The following ARMH3 variants were observed in gnomAD, a reference collection of about 807,000 sequenced individuals.
ARMH3 encodes the protein armadillo-like helical domain-containing protein 3.
ARMH3 carries 60 observed loss-of-function variants against 99.1 expected under a neutral mutation model. The observed-to-expected ratio is 0.61, with a 90% CI of 0.49 to 0.75. ARMH3 has a LOEUF of 0.75. Ranked by LOEUF, ARMH3 falls within the 30% of genes least tolerant of loss-of-function variation. The probability of loss-of-function intolerance (pLI) is 0.00; values close to 1 mark genes in which losing one functional copy is unlikely to be tolerated. For missense variants in ARMH3, 679 were observed against 843.1 expected, an observed-to-expected ratio of 0.81 and a Z score of 2.41; for synonymous variants, 285 against 292.8, an observed-to-expected ratio of 0.97 and a Z score of 0.27.
chr10:101,935,174 A>AATATATATATATATATAT (rs5787448), intron 23 of ARMH3, among the ~76,000 whole-genome samples: 1,457 of 116,822 alleles, frequency 0.012, 26 homozygotes, highest in East Asian at 0.044. Context: ...AAGGTGGAGC[A>AATATATATATATATATAT]ATATATATAT....
At chr10:101,954,717 A>G (rs981536657) in intron 22 of ARMH3, among the ~76,000 whole-genome samples, 2 of 152,220 alleles carry the variant, frequency 1.3e-5, no homozygotes, top group African/African-American at 4.8e-5. Context: ...ATAAAAAACA[A>G]GTTTTTTTCA....
At chr10:102,006,752 G>C (rs576968605) in intron 13 of ARMH3, 119 bp from the exon 14 acceptor site, 6 of 790,686 alleles carry the variant, frequency 7.6e-6, no homozygotes, top group Non-Finnish European at 1.2e-5. Flanking sequence ...TTTTGAGACA[G>C]CATCTTGCTA....
chr10:101,879,506 C>T (rs1299955803), intron 24 of ARMH3, among the ~76,000 whole-genome samples: 2 of 151,946 alleles, frequency 1.3e-5, no homozygotes, highest in African/African-American at 4.8e-5. Context: ...CCCACCACCA[C>T]GCCTTGCTAA....
chr10:102,019,428 T>C (rs557669974), intron 8 of ARMH3, among the ~76,000 whole-genome samples: 21 of 152,238 alleles, frequency 1.4e-4, no homozygotes, highest in Non-Finnish European at 2.5e-4. Context: ...GTAAGACAGC[T>C]GAAGGCAGGT....
At chr10:102,041,093 ATATAT>A (rs2067409008) in intron 1 of ARMH3, among the ~76,000 whole-genome samples, 4 of 138,828 alleles carry the variant, frequency 2.9e-5, no homozygotes, top group African/African-American at 8.4e-5. Context: ...TATATATAAT[ATATAT>A]ATATATATAT....
At chr10:101,994,824 G>A (rs1039839238) in intron 16 of ARMH3, among the ~76,000 whole-genome samples, 9 of 152,118 alleles carry the variant, frequency 5.9e-5, no homozygotes, top group African/African-American at 2.2e-4. Context: ...ATCACCTGAG[G>A]TCAGGAGTTT....
At position 101,948,163 on chromosome 10, in the gene ARMH3, A is replaced by C. The variant is rs191961065; in HGVS notation, c.1706-8225T>G. Among the ~76,000 whole-genome samples the C allele has an allele frequency of 2.0e-5, 3 of 152,306 alleles. No homozygotes were observed. The East Asian group carries it at 5.8e-4, about 29-fold the overall frequency. ...TAAGATACAGAGATTATCAGACTGG[A>C]TAATAAACACGACCCAACTGTAAGC... On this transcript the variant is annotated intron_variant, in intron 22 of 25. Transcript: ENST00000370033.
At chr10:102,037,669 C>T (rs2067309696) in intron 2 of ARMH3, among the ~76,000 whole-genome samples, 1 of 152,090 alleles carries the variant, frequency 6.6e-6, no homozygotes, top group South Asian at 2.1e-4. Context: ...AACTCCTAGG[C>T]TCAAGGGATC....
chr10:101,931,455 G>A (rs976109669), intron 23 of ARMH3, among the ~76,000 whole-genome samples: 2 of 151,880 alleles, frequency 1.3e-5, no homozygotes, highest in Middle Eastern at 3.4e-3. Flanking sequence ...AACCCAAGAG[G>A]TGGAGGTTGC....
At chr10:101,991,752 CT>C (rs1285161486) in intron 18 of ARMH3, among the ~76,000 whole-genome samples, 1 of 152,132 alleles carries the variant, frequency 6.6e-6, no homozygotes, top group Admixed American at 6.5e-5. Flanking sequence ...ACTGGAATGA[CT>C]TTTTTCTTTG....
chr10:101,928,966 G>A (rs1171184476), intron 23 of ARMH3, among the ~76,000 whole-genome samples: 1 of 152,040 alleles, frequency 6.6e-6, no homozygotes. Context: ...CCTGACCTCA[G>A]GTGATCCACC....
At chr10:101,961,596 G>C (rs557648960) in intron 20 of ARMH3, among the ~76,000 whole-genome samples, 1 of 152,146 alleles carries the variant, frequency 6.6e-6, no homozygotes, top group East Asian at 1.9e-4. Context: ...CCTGTGTCAG[G>C]AGCAGTTTCA....
chr10:101,993,464 C>T, intron 17 of ARMH3, 74 bp downstream of exon 17: 1 of 1,170,200 alleles, frequency 8.5e-7, no homozygotes, highest in Non-Finnish European at 1.2e-6. Context: ...CTAGTAAGAT[C>T]AATTTCATCC....
Position 101,962,384 on chromosome 10 carries a change from C to A in ARMH3, c.1496-4652G>T, listed in dbSNP as rs140241458. Among the ~76,000 whole-genome samples the A allele has an allele frequency of 3.9e-5, 6 of 151,958 alleles. No individual in the cohort carries two copies. In the East Asian group the frequency reaches 1.2e-3, roughly 29 times the overall value. On this transcript the variant is annotated intron_variant, in intron 20 of 25. Coordinates refer to ENST00000370033, the MANE Select transcript of ARMH3 (RefSeq NM_024541.3). The stretch of plus-strand genomic sequence containing the variant: ...TAATAACTGTGTCCAGAAGCTCACA[C>A]AGAGCATCTCAAACTTTCCTTTTTT...
At chr10:102,023,816 C>T in intron 6 of ARMH3, 67 bp from the exon 7 acceptor site, 2 of 1,407,944 alleles carry the variant, frequency 1.4e-6, no homozygotes, top group Middle Eastern at 4.4e-4. Context: ...TAATCTCCTC[C>T]CCTAACATCT....
chr10:101,920,321 G>A (rs973859233), intron 23 of ARMH3, among the ~76,000 whole-genome samples: 7 of 152,136 alleles, frequency 4.6e-5, no homozygotes, highest in Non-Finnish European at 8.8e-5. Flanking sequence ...CAAAAGGCCT[G>A]GACTATAAAA....
At chr10:101,919,181 A>G (rs1314628356) in intron 23 of ARMH3, among the ~76,000 whole-genome samples, 1 of 152,164 alleles carries the variant, frequency 6.6e-6, no homozygotes, top group Non-Finnish European at 1.5e-5. Flanking sequence ...ATTTAACTCA[A>G]AGAAATTCCT....
chr10:101,950,597 T>C (rs901463808), intron 22 of ARMH3, among the ~76,000 whole-genome samples: 2 of 152,204 alleles, frequency 1.3e-5, no homozygotes, highest in Non-Finnish European at 2.9e-5. Context: ...ATCCATACAA[T>C]GTAATATTGT....
chr10:101,993,109 G>A (rs992774133), intron 17 of ARMH3, among the ~76,000 whole-genome samples: 3 of 151,428 alleles, frequency 2.0e-5, no homozygotes, highest in African/African-American at 7.3e-5. Flanking sequence ...CATCTGTAAC[G>A]AAAATACAAA....
Sources: allele counts gnomAD v4.1 joint callset (sites outside exome capture counted in the v4.1 genomes callset), GRCh38; gene constraint gnomAD v4.1.1; transcripts MANE v1.5; gene names NCBI Gene and HGNC (gene_info 2026-07-23, HGNC 2026-07-21).